Variants in WWOX observed in about 807,000 individuals in gnomAD.
The protein encoded by WWOX is WW domain-containing oxidoreductase.
Under a neutral mutation model 46.2 loss-of-function variants are expected in WWOX, and 69 were observed. The ratio of observed to expected loss-of-function variants is 1.49; its 90% confidence interval spans 1.23 to 1.82. The LOEUF (loss-of-function observed/expected upper bound fraction) is 1.82, where lower values mean the gene tolerates loss of function less well. Among genes scored for constraint, WWOX ranks in the 40% most tolerant of loss-of-function variants. The pLI is 0.00. For missense variants in WWOX, 919 were observed against 542.6 expected (o/e 1.69, Z -6.89); for synonymous variants, 359 against 202.6 (o/e 1.77, Z -6.56).
At chr16:78,121,340 A>G (rs1301185635) in intron 4 of WWOX, among the ~76,000 whole-genome samples, 1 of 152,242 alleles carries the variant, frequency 6.6e-6, no homozygotes, top group Non-Finnish European at 1.5e-5. Context: ...ACTTTGTTCT[A>G]AGAAACTATG....
At chr16:78,310,637 C>T (rs1037566248) in intron 5 of WWOX, among the ~76,000 whole-genome samples, 20 of 152,310 alleles carry the variant, frequency 1.3e-4, no homozygotes, top group Admixed American at 7.2e-4. Flanking sequence ...AGGCATGCTT[C>T]GTGTCAGCAC....
chr16:78,257,302 A>G (rs1296692354), intron 5 of WWOX, among the ~76,000 whole-genome samples: 1 of 152,172 alleles, frequency 6.6e-6, no homozygotes, highest in African/African-American at 2.4e-5. Flanking sequence ...TTTCTTTCCA[A>G]GTTTGTGCAG....
intron 8 of WWOX, among the ~76,000 whole-genome samples, chr16:78,462,241 T>C (rs2083970107): frequency 6.7e-6 from 1 of 150,008 alleles, no homozygotes; most frequent in South Asian, 2.1e-4. Context: ...TTGCTCACGC[T>C]CTTTTTTTTT....
At chr16:78,700,939 T>C (rs1322270794) in intron 8 of WWOX, among the ~76,000 whole-genome samples, 3 of 152,146 alleles carry the variant, frequency 2.0e-5, no homozygotes, top group Non-Finnish European at 4.4e-5. Context: ...GAAATTGATA[T>C]TTATTGAGGG....
chr16:78,908,802 G>A (rs184855602), intron 8 of WWOX, among the ~76,000 whole-genome samples: 7 of 152,314 alleles, frequency 4.6e-5, no homozygotes, highest in African/African-American at 1.7e-4. Context: ...CCTGGGTGGT[G>A]CCAGCTGATC....
chr16:78,213,013 A>G (rs945116601), intron 5 of WWOX, among the ~76,000 whole-genome samples: 1 of 152,024 alleles, frequency 6.6e-6, no homozygotes, highest in African/African-American at 2.4e-5. Flanking sequence ...AATCCCAGCA[A>G]CTTGGGAGGT....
At chr16:78,519,507 T>A (rs1448271676) in intron 8 of WWOX, among the ~76,000 whole-genome samples, 1 of 151,240 alleles carries the variant, frequency 6.6e-6, no homozygotes, top group Non-Finnish European at 1.5e-5. Context: ...ATATATATAT[T>A]ACATATGGAT....
chr16:78,531,728 T>C (rs769743893), intron 8 of WWOX, among the ~76,000 whole-genome samples: 52 of 152,144 alleles, frequency 3.4e-4, no homozygotes, highest in Admixed American at 1.1e-3. Flanking sequence ...TTAGGTGATG[T>C]GTGTCTGTAA....
chr16:78,524,367 G>A (rs9931036), intron 8 of WWOX, among the ~76,000 whole-genome samples: 6,213 of 151,708 alleles, frequency 0.041, 249 homozygotes, highest in African/African-American at 0.11. Flanking sequence ...AATTGGTAAA[G>A]TTTAGTTGAC....
At chr16:79,064,978 C>T (rs764409329) in intron 8 of WWOX, among the ~76,000 whole-genome samples, 1 of 152,124 alleles carries the variant, frequency 6.6e-6, no homozygotes, top group Non-Finnish European at 1.5e-5. Flanking sequence ...TGCCCCTGAG[C>T]ACCTGTGTGT....
chr16:79,093,910 C>A (rs2049015634), intron 8 of WWOX, among the ~76,000 whole-genome samples: 1 of 152,184 alleles, frequency 6.6e-6, no homozygotes, highest in African/African-American at 2.4e-5. Context: ...CTCGCTCTCT[C>A]CTTCCAAGAG....
chr16:78,135,782 G>A (rs536344234), intron 4 of WWOX, among the ~76,000 whole-genome samples: 2 of 152,156 alleles, frequency 1.3e-5, no homozygotes, highest in Admixed American at 6.5e-5. Context: ...ATGTCGATCT[G>A]TGATTCCTTT....
chr16:78,696,521 A>G (rs2048103204), intron 8 of WWOX, among the ~76,000 whole-genome samples: 1 of 152,028 alleles, frequency 6.6e-6, no homozygotes, highest in Non-Finnish European at 1.5e-5. Context: ...ATACTCTCTC[A>G]CAATGCTAGG....
At chr16:78,619,036 C>T (rs962409462) in intron 8 of WWOX, among the ~76,000 whole-genome samples, 1 of 146,370 alleles carries the variant, frequency 6.8e-6, no homozygotes, top group Non-Finnish European at 1.5e-5. Flanking sequence ...TGGCTCATGT[C>T]TGTAATTCCA....
At chr16:78,960,237 G>C (rs952620895) in intron 8 of WWOX, among the ~76,000 whole-genome samples, 11 of 152,194 alleles carry the variant, frequency 7.2e-5, no homozygotes, top group Non-Finnish European at 1.5e-4. Context: ...CTTAATTTGG[G>C]TCATAGGACA....
At chr16:78,613,602 C>T (rs765819594) in intron 8 of WWOX, among the ~76,000 whole-genome samples, 2 of 152,158 alleles carry the variant, frequency 1.3e-5, no homozygotes, top group African/African-American at 4.8e-5. Context: ...CACCTGAATT[C>T]CGGATTCAAG....
intron 8 of WWOX, among the ~76,000 whole-genome samples, chr16:78,564,402 T>C (rs2044513508): frequency 6.6e-6 from 1 of 152,172 alleles, no homozygotes. Flanking sequence ...GTTTTCTGTC[T>C]CAGGAAGCAT....
chr16:78,957,518 A>C (rs2046191708), intron 8 of WWOX, among the ~76,000 whole-genome samples: 1 of 152,160 alleles, frequency 6.6e-6, no homozygotes, highest in Non-Finnish European at 1.5e-5. Flanking sequence ...TTCTGTGGGA[A>C]CTGAGAATGT....
chr16:78,692,381 C>A (rs896948856), intron 8 of WWOX, among the ~76,000 whole-genome samples: 1 of 152,180 alleles, frequency 6.6e-6, no homozygotes, highest in African/African-American at 2.4e-5. Flanking sequence ...TCAGTCCTTA[C>A]CAAAGTGTAC....
Sources: allele counts gnomAD v4.1 joint callset (sites outside exome capture counted in the v4.1 genomes callset), GRCh38; gene constraint gnomAD v4.1.1; transcripts MANE v1.5; gene names NCBI Gene and HGNC (gene_info 2026-07-23, HGNC 2026-07-21).